Variants in PHKB observed in about 807,000 individuals in gnomAD.
PHKB encodes phosphorylase kinase regulatory subunit beta.
A neutral mutation model predicts 152.1 loss-of-function variants in PHKB; 122 were observed. That is an observed-to-expected ratio of 0.80 (90% CI 0.69 to 0.93). PHKB has a LOEUF of 0.93. Ranked by LOEUF, PHKB falls within the 40% of genes least tolerant of loss-of-function variation. PHKB has a pLI of 0.00. For synonymous variants in PHKB, 436 were observed against 464.9 expected, an observed-to-expected ratio of 0.94 and a Z score of 0.80; for missense variants, 1,304 against 1,328.4, an observed-to-expected ratio of 0.98 and a Z score of 0.29.
At chr16:47,498,157 T>A (rs1351186470) in intron 2 of PHKB, among the ~76,000 whole-genome samples, 1 of 152,176 alleles carries the variant, frequency 6.6e-6, no homozygotes, top group Non-Finnish European at 1.5e-5. Flanking sequence ...GATGATGGAT[T>A]TTTTGGTCTA....
chr16:47,660,794 C>T lies in PHKB; in HGVS notation c.2171C>T (p.Thr724Ile). Reference protein sequence around the residue: ...VNISEWKDKPTHEILQKLNDC... With the variant: ...VNISEWKDKPIHEILQKLNDC... Reference sequence around the variant, plus strand: ...ATTAGTGAATGGAAGGACAAACCCACCCACGAAATTCTTCAAAAACTGAAT... The same window carrying T: ...ATTAGTGAATGGAAGGACAAACCCATCCACGAAATTCTTCAAAAACTGAAT... The change falls in exon 22 of 31, where the codon ACC becomes ATC. Residue 724 changes from threonine to isoleucine, a missense_variant. By Grantham distance (89) the Thr-to-Ile change is moderately conservative. Transcript: ENST00000323584. 7 of 1,613,996 alleles carry T rather than the reference C, an allele frequency of 4.3e-6. No homozygotes were observed. The highest frequency in any genetic ancestry group is 5.9e-6 in the Non-Finnish European group (7 of 1,179,926).
chr16:47,682,506 ATTCATTTCG>A (rs1271508201), intron 26 of PHKB, among the ~76,000 whole-genome samples: 1 of 151,956 alleles, frequency 6.6e-6, no homozygotes, highest in African/African-American at 2.4e-5. Flanking sequence ...GCTTCATTTC[ATTCATTTCG>A]TCTTCCATCA....
intron 25 of PHKB, among the ~76,000 whole-genome samples, chr16:47,667,477 A>T (rs1419135127): frequency 6.6e-6 from 1 of 152,188 alleles, no homozygotes; most frequent in Non-Finnish European, 1.5e-5. Flanking sequence ...GAAAAAGTTA[A>T]ATCACTTCAT....
intron 11 of PHKB, 122 bp downstream of exon 11, chr16:47,593,679 G>A (rs1199802765): frequency 2.9e-6 from 2 of 701,134 alleles, no homozygotes; most frequent in Non-Finnish European, 5.2e-6. Context: ...AAAATAGACT[G>A]CGCTTCAGTG....
chr16:47,486,127 TTAATC>T (rs1970045977), intron 1 of PHKB, among the ~76,000 whole-genome samples: 1 of 152,180 alleles, frequency 6.6e-6, no homozygotes, highest in African/African-American at 2.4e-5. Flanking sequence ...AAATAACACA[TTAATC>T]AAATGGTGAA....
intron 2 of PHKB, among the ~76,000 whole-genome samples, chr16:47,497,830 A>G (rs938437003): frequency 1.3e-5 from 2 of 152,210 alleles, no homozygotes; most frequent in African/African-American, 2.4e-5. Flanking sequence ...ATTTACCTAA[A>G]CATGGTTCCC....
intron 22 of PHKB, 73 bp from the exon 23 acceptor site, chr16:47,661,646 G>A: frequency 1.1e-6 from 1 of 913,354 alleles, no homozygotes; most frequent in South Asian, 1.3e-5. Context: ...ATGTGGTTTT[G>A]TGATTAGTTA....
At chr16:47,500,977 A>T (rs1970315889) in intron 3 of PHKB, among the ~76,000 whole-genome samples, 1 of 152,226 alleles carries the variant, frequency 6.6e-6, no homozygotes, top group African/African-American at 2.4e-5. Flanking sequence ...CTGAGATAAG[A>T]TGCAGTAGTC....
intron 8 of PHKB, 85 bp from the exon 9 acceptor site, chr16:47,587,583 T>C (rs914240002): frequency 1.1e-6 from 1 of 904,100 alleles, no homozygotes; most frequent in Non-Finnish European, 1.8e-6. Flanking sequence ...GTCAGTATTT[T>C]TGTGAAGTTT....
Position 47,557,362 on chromosome 16 carries a change from C to G in PHKB, c.710+9814C>G, listed in dbSNP as rs1052660899. 2.8e-4 allele frequency among the ~76,000 whole-genome samples: 42 copies of G among 152,288 alleles called. No individual in the cohort carries two copies. The East Asian group carries it at 5.0e-3, about 18-fold the overall frequency. On this transcript the variant is annotated intron_variant, in intron 7 of 30. Coordinates refer to ENST00000323584, the MANE Select transcript of PHKB (RefSeq NM_000293.3). ...TCTAAAACACCAAAAGCAATGGCAA[C>G]AAAAGCCAAAATTGACAAATGGGAC...
At chr16:47,620,981 G>A (rs969236980) in intron 14 of PHKB, among the ~76,000 whole-genome samples, 2 of 152,164 alleles carry the variant, frequency 1.3e-5, no homozygotes, top group African/African-American at 4.8e-5. Context: ...TTGATTTCTT[G>A]GTTCAGGAAG....
chr16:47,470,769 T>C (rs1360649931), intron 1 of PHKB, among the ~76,000 whole-genome samples: 2 of 152,236 alleles, frequency 1.3e-5, no homozygotes, highest in Admixed American at 6.5e-5. Flanking sequence ...GTCTTCTTGA[T>C]GTTTATTGTT....
At chr16:47,592,382 G>A (rs1821760167) in intron 10 of PHKB, among the ~76,000 whole-genome samples, 2 of 152,174 alleles carry the variant, frequency 1.3e-5, no homozygotes, top group Admixed American at 1.3e-4. Context: ...CCCATCTGTT[G>A]GGTTTCAGTT....
At chr16:47,624,456 G>C (rs996192981) in intron 14 of PHKB, among the ~76,000 whole-genome samples, 4 of 152,124 alleles carry the variant, frequency 2.6e-5, no homozygotes, top group Admixed American at 1.3e-4. Context: ...TTCTCAGAAG[G>C]GTTTATAAAA....
intron 7 of PHKB, among the ~76,000 whole-genome samples, chr16:47,556,365 T>C (rs1249759110): frequency 6.6e-6 from 1 of 152,208 alleles, no homozygotes; most frequent in East Asian, 1.9e-4. Context: ...AAGGGAATGC[T>C]TCCAGTTTTT....
intron 12 of PHKB, among the ~76,000 whole-genome samples, chr16:47,594,489 G>C (rs1230794573): frequency 6.6e-6 from 1 of 152,112 alleles, no homozygotes; most frequent in Non-Finnish European, 1.5e-5. Context: ...TATAGAAAGT[G>C]ACTAGTTTTT....
chr16:47,540,127 C>T (rs1385819724), intron 6 of PHKB, among the ~76,000 whole-genome samples: 1 of 152,010 alleles, frequency 6.6e-6, no homozygotes, highest in Non-Finnish European at 1.5e-5. Flanking sequence ...AATTGCATTC[C>T]TTGGGGAAGG....
intron 4 of PHKB, among the ~76,000 whole-genome samples, chr16:47,504,338 C>T (rs1656957575): frequency 1.3e-5 from 2 of 152,180 alleles, no homozygotes; most frequent in Admixed American, 6.5e-5. Flanking sequence ...AGTGGTTGGT[C>T]ATGTGGGTAT....
chr16:47,668,637 TC>T (rs991539055), intron 25 of PHKB, among the ~76,000 whole-genome samples: 2 of 152,124 alleles, frequency 1.3e-5, no homozygotes, highest in African/African-American at 4.8e-5. Context: ...GGCAGCCTGT[TC>T]CTTCCCCTCC....
Sources: allele counts gnomAD v4.1 joint callset (sites outside exome capture counted in the v4.1 genomes callset), GRCh38; gene constraint gnomAD v4.1.1; transcripts MANE v1.5; gene names NCBI Gene and HGNC (gene_info 2026-07-23, HGNC 2026-07-21).